Variants in RANBP2 observed in about 807,000 individuals in gnomAD.
RANBP2 encodes RAN binding protein 2.
RANBP2 carries 57 observed loss-of-function variants against 303.6 expected under a neutral mutation model. That is an observed-to-expected ratio of 0.19 (90% CI 0.15 to 0.23). RANBP2 has a LOEUF of 0.23. Ranked by LOEUF, RANBP2 falls within the 10% of genes least tolerant of loss-of-function variation. The pLI, the probability that RANBP2 is intolerant of heterozygous loss-of-function variation, is 1.00. For missense variants in RANBP2, 3,138 were observed against 3,780.8 expected, an observed-to-expected ratio of 0.83 and a Z score of 4.46; for synonymous variants, 1,167 against 1,301.5, an observed-to-expected ratio of 0.90 and a Z score of 2.23.
chr2:109,193,990 A>G, the RANBP2 span, among the ~76,000 whole-genome samples: 1 of 152,244 alleles, frequency 6.6e-6, no homozygotes, highest in African/African-American at 2.4e-5. Flanking sequence ...AGAGTGAGTG[A>G]CTGACTGCTG....
chr2:109,040,316 A>G, the RANBP2 span, among the ~76,000 whole-genome samples: 45 of 152,060 alleles, frequency 3.0e-4, 1 homozygote, highest in African/African-American at 1.1e-3. Flanking sequence ...TTATTTTTCT[A>G]TTCTTGAACT....
chr2:109,737,162 C>T, the RANBP2 span: 19 of 871,894 alleles, frequency 2.2e-5, no homozygotes, highest in Non-Finnish European at 3.0e-5. Flanking sequence ...TCCTCTTCTT[C>T]GTCCTGGTTA....
the RANBP2 span, among the ~76,000 whole-genome samples, chr2:109,397,883 T>G: frequency 3.3e-5 from 5 of 152,224 alleles, no homozygotes; most frequent in Non-Finnish European, 7.3e-5. Flanking sequence ...CGTCAAACTC[T>G]TCACTGCGCA....
chr2:108,747,218 ACTTAC>A (rs1696583455), intron 8 of RANBP2, among the ~76,000 whole-genome samples: 1 of 152,202 alleles, frequency 6.6e-6, no homozygotes, highest in Non-Finnish European at 1.5e-5. Flanking sequence ...GAAGATATAT[ACTTAC>A]CTTATATTAG....
At chr2:108,721,083 A>T (rs1267809563) in intron 1 of RANBP2, among the ~76,000 whole-genome samples, 1 of 152,240 alleles carries the variant, frequency 6.6e-6, no homozygotes, top group East Asian at 1.9e-4. Context: ...CCGGAAACTC[A>T]CGGATGACCA....
At chr2:109,310,668 C>T in the RANBP2 span, among the ~76,000 whole-genome samples, 5 of 56,316 alleles carry the variant, frequency 8.9e-5, no homozygotes, top group East Asian at 3.3e-3. Flanking sequence ...ATATCACCAC[C>T]GATCCCACAG....
the RANBP2 span, among the ~76,000 whole-genome samples, chr2:109,341,395 TGA>T: frequency 6.6e-6 from 1 of 152,204 alleles, no homozygotes; most frequent in Non-Finnish European, 1.5e-5. Flanking sequence ...TTTCTAAATC[TGA>T]GAGTCTCTGA....
chr2:109,655,134 C>G, the RANBP2 span, among the ~76,000 whole-genome samples: 6 of 152,140 alleles, frequency 3.9e-5, no homozygotes, highest in African/African-American at 1.4e-4. Flanking sequence ...AATTCCTGAC[C>G]TCTTGATCCA....
At chr2:109,614,648 C>G in the RANBP2 span, 6 of 1,471,942 alleles carry the variant, frequency 4.1e-6, no homozygotes, top group South Asian at 7.7e-5. Context: ...CCCGCGCCCG[C>G]GCGCACTTCA....
At chr2:109,151,940 G>A in the RANBP2 span, among the ~76,000 whole-genome samples, 2 of 152,332 alleles carry the variant, frequency 1.3e-5, no homozygotes, top group African/African-American at 4.8e-5. Context: ...AGCCTGGAGG[G>A]CTTATAAAAT....
At chr2:108,972,800 G>A in the RANBP2 span, among the ~76,000 whole-genome samples, 3 of 152,166 alleles carry the variant, frequency 2.0e-5, no homozygotes, top group African/African-American at 7.2e-5. Context: ...GGGGCCTCCG[G>A]CAGGGGCGTT....
At chr2:109,331,508 T>C in the RANBP2 span, among the ~76,000 whole-genome samples, 1 of 152,074 alleles carries the variant, frequency 6.6e-6, no homozygotes, top group African/African-American at 2.4e-5. Flanking sequence ...TCAGGCCCTT[T>C]CTCACCCTCC....
chr2:109,080,021 C>T, the RANBP2 span, among the ~76,000 whole-genome samples: 2 of 152,290 alleles, frequency 1.3e-5, no homozygotes, highest in South Asian at 4.2e-4. Context: ...TATGGAATAC[C>T]CGGAATAGGG....
At chr2:109,424,372 T>G in the RANBP2 span, among the ~76,000 whole-genome samples, 2 of 152,332 alleles carry the variant, frequency 1.3e-5, no homozygotes, top group East Asian at 3.9e-4. Flanking sequence ...AGGCTGGGCA[T>G]CCCTGGACCC....
At chr2:108,811,701 A>G in the RANBP2 span, among the ~76,000 whole-genome samples, 1 of 152,128 alleles carries the variant, frequency 6.6e-6, no homozygotes, top group Non-Finnish European at 1.5e-5. Context: ...GGCTTCTAAA[A>G]TGTACTCTTC....
At chr2:109,249,497 CTTTCTTTCTTTCATTCTTTCTT>C in the RANBP2 span, among the ~76,000 whole-genome samples, 208 of 31,996 alleles carry the variant, frequency 6.5e-3, 3 homozygotes, top group East Asian at 0.026. Flanking sequence ...TTCTTTCTTT[CTTTCTTTCTTTCATTCTTTCTT>C]TTTCTTTCTT....
chr2:108,837,601 A>G, the RANBP2 span, among the ~76,000 whole-genome samples: 1 of 152,208 alleles, frequency 6.6e-6, no homozygotes, highest in African/African-American at 2.4e-5. Context: ...AGAACACATT[A>G]CTCACATGTT....
chr2:108,736,129 T>C lies in RANBP2; in HGVS notation c.662T>C (p.Leu221Ser). The C allele has an allele frequency of 6.2e-7, 1 of 1,611,944 alleles. No homozygotes were observed. Among genetic ancestry groups the C allele is most frequent in the Non-Finnish European group, 8.5e-7 (1 of 1,179,828 alleles). The change falls in exon 6 of 29, where the codon TTG (leucine) becomes TCG (serine). Residue 221 changes from leucine to serine, a missense_variant. Leu to Ser is a moderately radical substitution (Grantham distance 145). Coordinates refer to ENST00000283195, the MANE Select transcript of RANBP2 (RefSeq NM_006267.5). ...GAATATCTGGAGTCTTTACAGTGTT[T>C]GGAGTCTGATAAAAGTGACTGGCGA... is the stretch of plus-strand genomic sequence containing the variant. The part of the protein sequence containing the change: ...LKEYLESLQC[L>S]ESDKSDWRAT...
the RANBP2 span, among the ~76,000 whole-genome samples, chr2:109,233,057 C>T: frequency 2.8e-4 from 43 of 152,108 alleles, no homozygotes; most frequent in African/African-American, 9.2e-4. Context: ...GTGCTGGGGC[C>T]GGAGCTAGTG....
Sources: allele counts gnomAD v4.1 joint callset (sites outside exome capture counted in the v4.1 genomes callset), GRCh38; gene constraint gnomAD v4.1.1; transcripts MANE v1.5; gene names NCBI Gene and HGNC (gene_info 2026-07-23, HGNC 2026-07-21).